ACOT12: variants seen among roughly 807,000 people sequenced by gnomAD.
The protein encoded by ACOT12 is acyl-CoA thioesterase 12.
Under a neutral mutation model 67.7 loss-of-function variants are expected in ACOT12, and 51 were observed. That is an observed-to-expected ratio of 0.75 (90% CI 0.60 to 0.95). The LOEUF is 0.95. ACOT12 is among the 40% of genes least tolerant of loss of function. ACOT12 has a pLI of 0.00. For missense variants in ACOT12, 734 were observed against 708.1 expected, an observed-to-expected ratio of 1.04 and a Z score of -0.41; for synonymous variants, 251 against 244.6, an observed-to-expected ratio of 1.03 and a Z score of -0.24.
chr5:81,313,068 A>T, the ACOT12 span: 4 of 152,488 alleles, frequency 2.6e-5, no homozygotes, highest in Non-Finnish European at 4.4e-5. Flanking sequence ...TTATTATTAT[A>T]ATAGAAATTT....
At chr5:81,335,682 G>A (rs1023352455) in intron 12 of ACOT12, 86 bp downstream of exon 12, 24 of 1,441,844 alleles carry the variant, frequency 1.7e-5, no homozygotes, top group Non-Finnish European at 2.2e-5. Context: ...GTCACACATT[G>A]GACGATGGAG....
chr5:81,360,293 GA>G (rs1759865537), intron 4 of ACOT12, among the ~76,000 whole-genome samples: 1 of 152,064 alleles, frequency 6.6e-6, no homozygotes. Flanking sequence ...TATTTTCCCT[GA>G]TTTTAAAATT....
intron 2 of ACOT12, among the ~76,000 whole-genome samples, chr5:81,382,214 C>A (rs1010521114): frequency 1.3e-5 from 2 of 151,924 alleles, no homozygotes; most frequent in Non-Finnish European, 2.9e-5. Flanking sequence ...TAATTCTGTC[C>A]GCTGAAAAGG....
chr5:81,381,212 G>A (rs893294731), intron 2 of ACOT12, among the ~76,000 whole-genome samples: 14 of 152,100 alleles, frequency 9.2e-5, no homozygotes, highest in Admixed American at 5.2e-4. Context: ...GATTACAGGC[G>A]CGTGCCACCA....
chr5:81,347,936 A>G lies in ACOT12; in HGVS notation c.497-6T>C. ...CTCTTCATCAAAAATGAGATCTGAA[A>G]GGTGGATGTAAACATTAATGATGGT... On this transcript the variant is annotated splice_polypyrimidine_tract_variant and splice_region_variant and intron_variant, in intron 5 of 14. Coordinates refer to ENST00000307624, the MANE Select transcript of ACOT12 (RefSeq NM_130767.3). 1 of 1,612,810 alleles carries G rather than the reference A, an allele frequency of 6.2e-7. No individual in the cohort carries two copies. Among genetic ancestry groups the G allele is most frequent in the African/African-American group, 1.3e-5 (1 of 75,026 alleles).
the ACOT12 span, among the ~76,000 whole-genome samples, chr5:81,323,898 G>C: frequency 1.2e-5 from 1 of 82,902 alleles, no homozygotes; most frequent in Non-Finnish European, 3.1e-5. Context: ...ACATATATAC[G>C]TATATATACA....
intron 1 of ACOT12, among the ~76,000 whole-genome samples, chr5:81,388,142 A>C (rs147939925): frequency 6.6e-6 from 1 of 152,316 alleles, no homozygotes; most frequent in Non-Finnish European, 1.5e-5. Context: ...TGTTCTAAAT[A>C]GTGATTTTGA....
At chr5:81,388,365 T>A (rs1760784446) in intron 1 of ACOT12, among the ~76,000 whole-genome samples, 1 of 152,238 alleles carries the variant, frequency 6.6e-6, no homozygotes, top group Admixed American at 6.5e-5. Context: ...GCTGTGTTTT[T>A]AAACGAGTGT....
intron 3 of ACOT12, among the ~76,000 whole-genome samples, chr5:81,371,103 G>T (rs2153856136): frequency 6.6e-6 from 1 of 152,296 alleles, no homozygotes; most frequent in South Asian, 2.1e-4. Flanking sequence ...AACAGAATTA[G>T]AATAATAGTA....
intron 2 of ACOT12, among the ~76,000 whole-genome samples, chr5:81,384,164 C>T (rs2153859427): frequency 6.7e-6 from 1 of 149,962 alleles, no homozygotes; most frequent in East Asian, 1.9e-4. Flanking sequence ...TCTTGTCGCC[C>T]AGGCTGCTGG....
chr5:81,344,399 T>C, intron 8 of ACOT12, among the ~76,000 whole-genome samples, 184 bp from the exon 9 acceptor site: 1 of 152,256 alleles, frequency 6.6e-6, no homozygotes, highest in Non-Finnish European at 1.5e-5. Flanking sequence ...GCAGTTGCAC[T>C]GACAAAGGTG....
rs145217915 is a variant in ACOT12, at chr5:81,384,874, C to T, written c.197+883G>A. On this transcript the variant is annotated intron_variant, in intron 2 of 14. Coordinates refer to ENST00000307624, the MANE Select transcript of ACOT12 (RefSeq NM_130767.3). ...TATAGCTAGGGGTGAAGGGTCCTTG[C>T]GATACACTGTACTATCCTCTCTTGT... Among the ~76,000 whole-genome samples the T allele has an allele frequency of 3.6e-3, 552 of 152,162 alleles. 11 individuals are homozygous for T. The highest frequency in any genetic ancestry group is 1.2e-3 in the Non-Finnish European group (83 of 68,008).
chr5:81,332,722 TA>T, intron 12 of ACOT12, 117 bp from the exon 13 acceptor site: 1 of 1,221,058 alleles, frequency 8.2e-7, no homozygotes. Context: ...TCAGCTCACC[TA>T]ATCATCTCCC....
chr5:81,344,407 GTGCAATCTTTGCAGCTATTTTC>G (rs1479458792), intron 8 of ACOT12, among the ~76,000 whole-genome samples, 192 bp from the exon 9 acceptor site: 1 of 152,178 alleles, frequency 6.6e-6, no homozygotes, highest in African/African-American at 2.4e-5. Flanking sequence ...ACTGACAAAG[GTGCAATCTTTGCAGCTATTTTC>G]TTCCTTTTCT....
downstream of ACOT12, among the ~76,000 whole-genome samples, chr5:81,327,687 C>T (rs142233366): frequency 5.0e-3 from 768 of 152,280 alleles, 7 homozygotes; most frequent in African/African-American, 0.017. Context: ...GTGATCCACC[C>T]GCCTTGGCCT....
At chr5:81,315,301 T>C in the ACOT12 span, among the ~76,000 whole-genome samples, 1 of 152,164 alleles carries the variant, frequency 6.6e-6, no homozygotes, top group Non-Finnish European at 1.5e-5. Context: ...TACTTGACAT[T>C]CCCTCCAGTC....
chr5:81,334,554 T>C (rs1255298785), intron 12 of ACOT12, among the ~76,000 whole-genome samples: 6 of 152,242 alleles, frequency 3.9e-5, no homozygotes, highest in Non-Finnish European at 7.3e-5. Context: ...TCTGTGCCAA[T>C]GTAACACGTG....
At chr5:81,386,280 C>G (rs1760723075) in intron 1 of ACOT12, among the ~76,000 whole-genome samples, 1 of 152,120 alleles carries the variant, frequency 6.6e-6, no homozygotes, top group African/African-American at 2.4e-5. Context: ...TATGGGAAAC[C>G]CCGAGTCATC....
At chr5:81,308,920 T>C in the ACOT12 span, 1 of 1,589,900 alleles carries the variant, frequency 6.3e-7, no homozygotes, top group Non-Finnish European at 8.6e-7. Context: ...TATTGTCAAC[T>C]GAATAGGAAC....
Sources: gnomAD v4.1 joint callset for allele counts (sites outside exome capture counted in the v4.1 genomes callset) on GRCh38, gnomAD v4.1.1 for gene constraint, MANE v1.5 for transcripts, NCBI Gene and HGNC (gene_info 2026-07-23, HGNC 2026-07-21) for gene names.